Variants in CASK observed in about 807,000 individuals in gnomAD.
CASK encodes calcium/calmodulin dependent serine protein kinase.
A neutral mutation model predicts 82.9 loss-of-function variants in CASK; 4 were observed. That is an observed-to-expected ratio of 0.05 (90% CI 0.02 to 0.11). CASK has a LOEUF of 0.11. CASK is among the 10% of genes least tolerant of loss of function. CASK has a pLI of 1.00. For missense variants in CASK, 358 were observed against 720.9 expected, an observed-to-expected ratio of 0.50 and a Z score of 5.76; for synonymous variants, 259 against 253.5, an observed-to-expected ratio of 1.02 and a Z score of -0.20.
intron 5 of CASK, among the ~76,000 whole-genome samples, chrX:41,694,743 A>T (rs1420306331): frequency 9.0e-6 from 1 of 111,598 alleles, no homozygotes; most frequent in African/African-American, 3.3e-5. Context: ...AGTCTGTGTA[A>T]CCTTGCAGGT....
chrX:41,671,438 A>C lies in CASK; in HGVS notation c.522T>G (p.Leu174=). The change falls in exon 6 of 27, where the codon CTT becomes CTG. Residue 174 remains leucine, a synonymous_variant. Transcript: ENST00000378163. ...TTAAAGCAGTCTTACCTCCAGCTAC[A>C]AGTCCAGACTCCCCTAATTGAATAG... ...GVAIQLGESG[L]VAGGRVGTPH... The C allele has an allele frequency of 1.7e-6, 2 of 1,176,837 alleles. No homozygotes were observed. Among genetic ancestry groups the C allele is most frequent in the Non-Finnish European group, 2.3e-6 (2 of 864,150 alleles).
At chrX:41,649,864 CATT>C (rs2066832514) in intron 8 of CASK, among the ~76,000 whole-genome samples, 1 of 110,975 alleles carries the variant, frequency 9.0e-6, no homozygotes, top group Non-Finnish European at 1.9e-5. Flanking sequence ...TAAAGTCTCC[CATT>C]ATTATTGTGT....
intron 3 of CASK, among the ~76,000 whole-genome samples, chrX:41,747,479 G>A (rs144610074): frequency 0.011 from 1,236 of 110,736 alleles, 24 homozygotes; most frequent in African/African-American, 0.038. Flanking sequence ...TTGCTCTGTC[G>A]CCCAGGCTGG....
intron 8 of CASK, among the ~76,000 whole-genome samples, chrX:41,639,075 C>CT (rs11377176): frequency 0.36 from 33,488 of 92,879 alleles, 5,863 homozygotes; most frequent in East Asian, 0.77. Flanking sequence ...CAACCCTCAA[C>CT]TTTTTTTTTT....
chrX:41,676,402 C>A (rs2067265569), intron 5 of CASK: 1 of 1,198,933 alleles, frequency 8.3e-7, no homozygotes, highest in Non-Finnish European at 1.1e-6. Context: ...CAGCTCCTTG[C>A]TCAGTTACAG....
At chrX:41,717,943 G>C (rs1218655455) in intron 5 of CASK, among the ~76,000 whole-genome samples, 1 of 112,401 alleles carries the variant, frequency 8.9e-6, no homozygotes, top group African/African-American at 3.2e-5. Flanking sequence ...CGGTCTGGCA[G>C]CTCCTAGGTA....
chrX:41,798,729 G>T (rs2069923896), intron 2 of CASK, among the ~76,000 whole-genome samples: 1 of 112,434 alleles, frequency 8.9e-6, no homozygotes, highest in Admixed American at 9.4e-5. Context: ...CAGCTACTTG[G>T]GAGGCTGAGG....
At chrX:41,776,112 TATTATC>T (rs375065382) in intron 3 of CASK, among the ~76,000 whole-genome samples, 4 of 112,500 alleles carry the variant, frequency 3.6e-5, no homozygotes, top group Admixed American at 1.9e-4. Flanking sequence ...CAGAGTTATT[TATTATC>T]ATTATCAAGT....
intron 1 of CASK, among the ~76,000 whole-genome samples, chrX:41,896,130 C>G (rs184570613): frequency 9.0e-6 from 1 of 111,697 alleles, no homozygotes; most frequent in African/African-American, 3.3e-5. Flanking sequence ...CAGCCCTAGA[C>G]ATGAGCTTAT....
chrX:41,671,276 T>C (rs922804050), intron 6 of CASK, 152 bp downstream of exon 6: 1 of 494,197 alleles, frequency 2.0e-6, no homozygotes, highest in African/African-American at 2.4e-5. Flanking sequence ...AGTTATTAAA[T>C]TAAAAACTAT....
chrX:41,579,775 G>T (rs781620782), intron 14 of CASK, among the ~76,000 whole-genome samples: 1 of 110,828 alleles, frequency 9.0e-6, no homozygotes, highest in African/African-American at 3.3e-5. Context: ...TTATTAAAAG[G>T]CTTAAAAAAG....
intron 21 of CASK, among the ~76,000 whole-genome samples, chrX:41,546,296 G>C (rs757942467): frequency 6.1e-4 from 67 of 110,545 alleles, no homozygotes; most frequent in Non-Finnish European, 3.4e-4. Flanking sequence ...TTTTTGTAGA[G>C]ACTGGACCTT....
At chrX:41,918,968 C>T (rs113568502) in intron 1 of CASK, among the ~76,000 whole-genome samples, 11,374 of 111,755 alleles carry the variant, frequency 0.1, 870 homozygotes, top group African/African-American at 0.27. Context: ...CCGGATGATT[C>T]TAATATGCAG....
At chrX:41,675,969 C>T in intron 5 of CASK, 1 of 1,208,246 alleles carries the variant, frequency 8.3e-7, no homozygotes, top group Non-Finnish European at 1.1e-6. Flanking sequence ...TAATAGAACA[C>T]AGAGAAGTTA....
intron 2 of CASK, among the ~76,000 whole-genome samples, chrX:41,843,034 A>G (rs1474024640): frequency 8.9e-6 from 1 of 111,804 alleles, no homozygotes; most frequent in Non-Finnish European, 1.9e-5. Context: ...CAACCTTGCT[A>G]AGCTCACTTA....
In CASK at chrX:41,518,404, T is replaced by C. The variant is rs2064590149; in HGVS notation, c.*2016A>G. On this transcript the variant is annotated 3_prime_UTR_variant, in exon 27 of 27. Transcript: ENST00000378163. ...ACAGCCCTACCCAACTCTTTGAAGG[T>C]TTCTCTCTCTATCTAGTGTGAGACC... 9.1e-6 allele frequency: 1 copy of C among 109,949 alleles called. No homozygotes were observed. Among genetic ancestry groups the C allele is most frequent in the African/African-American group, 3.3e-5 (1 of 30,025 alleles). The allele number at this position is 109,949 out of a possible 1,213,427, so 9.1% of individuals were successfully genotyped here.
At chrX:41,729,806 A>G (rs928918035) in intron 5 of CASK, 35 of 88,154 alleles carry the variant, frequency 4.0e-4, no homozygotes, top group Non-Finnish European at 2.1e-4. Context: ...ATATATATAT[A>G]TGTATGTATG....
At chrX:41,709,917 T>C (rs1466773465) in intron 5 of CASK, among the ~76,000 whole-genome samples, 1 of 111,034 alleles carries the variant, frequency 9.0e-6, no homozygotes, top group Non-Finnish European at 1.9e-5. Flanking sequence ...TTAAGACAAT[T>C]GTATCTAGAA....
intron 5 of CASK, chrX:41,726,969 T>C (rs2068271667): frequency 4.8e-6 from 3 of 628,543 alleles, no homozygotes; most frequent in Non-Finnish European, 7.1e-6. Context: ...ATTTTAATAT[T>C]AAATATCTGC....
Sources: allele counts gnomAD v4.1 joint callset (sites outside exome capture counted in the v4.1 genomes callset), GRCh38; gene constraint gnomAD v4.1.1; transcripts MANE v1.5; gene names NCBI Gene and HGNC (gene_info 2026-07-23, HGNC 2026-07-21).